The following CEP162 variants were observed in gnomAD, a reference collection of about 807,000 sequenced individuals.
CEP162 encodes centrosomal protein 162, also known as centrosomal protein of 162 kDa.
In CEP162, 141 loss-of-function variants were observed where a neutral mutation model predicts 169.2. The observed-to-expected ratio is 0.83, with a 90% CI of 0.73 to 0.96. The LOEUF is 0.96. Ranked by LOEUF, CEP162 falls within the 40% of genes least tolerant of loss-of-function variation. The probability of loss-of-function intolerance (pLI) is 0.00; values close to 1 mark genes in which losing one functional copy is unlikely to be tolerated. For missense variants in CEP162, 1,600 were observed against 1,587.2 expected (o/e 1.01, Z -0.14); for synonymous variants, 540 against 526.4 (o/e 1.03, Z -0.35).
intron 11 of CEP162, among the ~76,000 whole-genome samples, chr6:84,189,502 T>G (rs1174484924): frequency 6.6e-6 from 1 of 152,192 alleles, no homozygotes; most frequent in African/African-American, 2.4e-5. Context: ...AATGGGGGAC[T>G]TAGCACCCGG....
chr6:84,125,022 T>C lies in CEP162; in HGVS notation c.*48A>G, dbSNP rs767549508. 3 of 1,376,502 alleles carry C rather than the reference T, an allele frequency of 2.2e-6. No homozygotes were observed. The highest frequency in any genetic ancestry group is 1.2e-5 in the South Asian group (1 of 82,710). The allele number at this position is 1,376,502 out of a possible 1,614,324, so 85.3% of individuals were successfully genotyped here. On this transcript the variant is annotated 3_prime_UTR_variant, in exon 27 of 27. Transcript: ENST00000403245. ...CTGTCCTGACAGTGGCACAATCCCATCCATCTTCAGGCCTTTTAATAAGGT... is the reference window on the plus strand; with the variant it reads ...CTGTCCTGACAGTGGCACAATCCCACCCATCTTCAGGCCTTTTAATAAGGT...
chr6:84,205,794 A>G (rs375275025), intron 6 of CEP162, among the ~76,000 whole-genome samples: 2 of 151,798 alleles, frequency 1.3e-5, no homozygotes, highest in East Asian at 3.9e-4. Flanking sequence ...CTGTTTGCAG[A>G]TGACATGATT....
intron 2 of CEP162, among the ~76,000 whole-genome samples, chr6:84,225,811 G>C (rs2099555490): frequency 6.6e-6 from 1 of 152,034 alleles, no homozygotes; most frequent in Non-Finnish European, 1.5e-5. Context: ...CTCTGAAGTG[G>C]TGATATTTAA....
rs766716920 is a variant in CEP162 at position 84,174,835 on chromosome 6, T to G, written c.1917A>C (p.Thr639=). The G allele has an allele frequency of 6.2e-7, 1 of 1,606,976 alleles. No individual in the cohort carries two copies. Among genetic ancestry groups the G allele is most frequent in the Non-Finnish European group, 8.5e-7 (1 of 1,175,338 alleles). ...CTAGTTCTTTCTCCTTTTCTGAGAATGTGGCTTTAATTTGCTCAATTAGGG... is the reference window on the plus strand; with the variant it reads ...CTAGTTCTTTCTCCTTTTCTGAGAAGGTGGCTTTAATTTGCTCAATTAGGG... The part of the protein sequence containing the change: ...AQALIEQIKA[T]FSEKEKELEN... The change falls in exon 15 of 27, where the codon ACA becomes ACC. Residue 639 remains threonine, a synonymous_variant. Coordinates refer to ENST00000403245, the MANE Select transcript of CEP162 (RefSeq NM_014895.4).
At chr6:84,139,544 A>G (rs544786693) in intron 25 of CEP162, among the ~76,000 whole-genome samples, 1 of 152,190 alleles carries the variant, frequency 6.6e-6, no homozygotes, top group Non-Finnish European at 1.5e-5. Flanking sequence ...GGCAATGCAG[A>G]TGGGACTTTC....
At chr6:84,191,595 T>A (rs1325132444) in intron 11 of CEP162, among the ~76,000 whole-genome samples, 4 of 152,192 alleles carry the variant, frequency 2.6e-5, no homozygotes, top group Non-Finnish European at 5.9e-5. Context: ...TATAACCCTG[T>A]CTTTTTAATT....
chr6:84,217,233 A>G (rs1404539837), intron 3 of CEP162, among the ~76,000 whole-genome samples: 1 of 152,220 alleles, frequency 6.6e-6, no homozygotes, highest in African/African-American at 2.4e-5. Flanking sequence ...AATAAGTAAA[A>G]TAAGTAAGCA....
intron 25 of CEP162, among the ~76,000 whole-genome samples, chr6:84,137,168 A>G (rs984250493): frequency 1.3e-5 from 2 of 152,240 alleles, no homozygotes; most frequent in African/African-American, 2.4e-5. Flanking sequence ...CTGGACAACT[A>G]TATGAACTGC....
chr6:84,221,028 A>G, intron 3 of CEP162, 29 bp downstream of exon 3: 1 of 1,239,802 alleles, frequency 8.1e-7, no homozygotes, highest in Non-Finnish European at 1.2e-6. Context: ...TGGTCAAATA[A>G]TTTGAAACTA....
At chr6:84,175,446 A>C in intron 13 of CEP162, 99 bp from the exon 14 acceptor site, 1 of 838,930 alleles carries the variant, frequency 1.2e-6, no homozygotes, top group Non-Finnish European at 1.8e-6. Flanking sequence ...GGAAACACAA[A>C]AATGAGGATC....
intron 25 of CEP162, among the ~76,000 whole-genome samples, chr6:84,137,295 G>A (rs1052196369): frequency 2.0e-5 from 3 of 152,098 alleles, no homozygotes; most frequent in Non-Finnish European, 4.4e-5. Context: ...GACTCTAAAC[G>A]TTTACTTGAA....
chr6:84,214,725 T>A (rs944618822), intron 5 of CEP162, among the ~76,000 whole-genome samples: 2 of 152,186 alleles, frequency 1.3e-5, no homozygotes, highest in Non-Finnish European at 2.9e-5. Context: ...AAGAATTACA[T>A]GGATAACTAA....
chr6:84,151,535 G>A (rs1167818536), intron 23 of CEP162, among the ~76,000 whole-genome samples: 3 of 152,078 alleles, frequency 2.0e-5, no homozygotes, highest in African/African-American at 7.2e-5. Flanking sequence ...TTTCACATCT[G>A]AACTCAGCAA....
intron 6 of CEP162, among the ~76,000 whole-genome samples, chr6:84,205,522 C>A (rs933716105): frequency 7.2e-5 from 11 of 152,168 alleles, no homozygotes; most frequent in Non-Finnish European, 1.6e-4. Flanking sequence ...TTCAACAGCC[C>A]TTCATGCTAA....
intron 25 of CEP162, among the ~76,000 whole-genome samples, chr6:84,127,348 T>A (rs1368049413): frequency 1.3e-5 from 2 of 152,184 alleles, no homozygotes; most frequent in South Asian, 2.1e-4. Context: ...TCCCAGTATC[T>A]TACCTACATT....
intron 18 of CEP162, among the ~76,000 whole-genome samples, chr6:84,164,232 T>A (rs901044080): frequency 6.6e-6 from 1 of 152,174 alleles, no homozygotes; most frequent in Non-Finnish European, 1.5e-5. Context: ...GAAACAGGAA[T>A]GCTTTTACAC....
chr6:84,190,652 C>T (rs1032990510), intron 11 of CEP162, among the ~76,000 whole-genome samples: 2 of 151,798 alleles, frequency 1.3e-5, no homozygotes, highest in Admixed American at 1.3e-4. Flanking sequence ...CCTGAGCCAG[C>T]GAGACCACGA....
Position 84,152,824 on chromosome 6 carries a change from ATTC to A in CEP162, c.3347_3349del (p.Arg1116del). 1 of 1,613,642 alleles carries A rather than the reference ATTC, an allele frequency of 6.2e-7. No individual in the cohort carries two copies. Among genetic ancestry groups the A allele is most frequent in the South Asian group, 1.1e-5 (1 of 91,080 alleles). The stretch of plus-strand genomic sequence containing the variant: ...CTTTGAGTTCTGATTTGATAGCATC[ATTC>A]TTCTGTCTTTCTGAAGCCTCTCCAC... On this transcript the variant is annotated inframe_deletion, in exon 23 of 27. Coordinates refer to ENST00000403245, the MANE Select transcript of CEP162 (RefSeq NM_014895.4).
Position 84,185,331 on chromosome 6 carries a change from AT to A in CEP162, c.1518del (p.Leu506PhefsTer32), listed in dbSNP as rs2099536667. On this transcript the variant is annotated frameshift_variant, in exon 13 of 27. Coordinates refer to ENST00000403245, the MANE Select transcript of CEP162 (RefSeq NM_014895.4). LOFTEE classifies it high-confidence loss of function. ...PLLKRKPQSG[L>X]YASVRSSGYG... ...TAGCCTGAGCTCCTAACTGACGCATATAATCCACTCTGGGGTTTCCTTTTAA... is the reference window on the plus strand; with the variant it reads ...TAGCCTGAGCTCCTAACTGACGCATAAATCCACTCTGGGGTTTCCTTTTAA... 6.2e-7 allele frequency: 1 copy of A among 1,613,566 alleles called. No homozygotes were observed. The highest frequency in any genetic ancestry group is 1.1e-5 in the South Asian group (1 of 91,024).
Sources: gnomAD v4.1 joint callset for allele counts (sites outside exome capture counted in the v4.1 genomes callset) on GRCh38, gnomAD v4.1.1 for gene constraint, MANE v1.5 for transcripts, NCBI Gene and HGNC (gene_info 2026-07-23, HGNC 2026-07-21) for gene names.